FER: variants seen among roughly 807,000 people sequenced by gnomAD.
The protein encoded by FER is tyrosine-protein kinase Fer.
In FER, 63 loss-of-function variants were observed where a neutral mutation model predicts 111.0. The ratio of observed to expected loss-of-function variants is 0.57; its 90% CI spans 0.46 to 0.70. The LOEUF is 0.70. Ranked by LOEUF, FER falls within the 30% of genes least tolerant of loss-of-function variation. FER has a pLI of 0.00. For synonymous variants in FER, 327 were observed against 313.9 expected (o/e 1.04, Z -0.44); for missense variants, 914 against 954.0 (o/e 0.96, Z 0.55).
At chr5:109,058,231 C>T (rs752314557) in intron 16 of FER, among the ~76,000 whole-genome samples, 2 of 152,038 alleles carry the variant, frequency 1.3e-5, no homozygotes, top group Admixed American at 6.6e-5. Flanking sequence ...CTAAGAGAAA[C>T]CCATAGCTAA....
At chr5:108,833,427 T>G (rs1760253112) in intron 4 of FER, among the ~76,000 whole-genome samples, 1 of 151,850 alleles carries the variant, frequency 6.6e-6, no homozygotes, top group Admixed American at 6.6e-5. Flanking sequence ...GAGAGGATAG[T>G]AAAATCAACT....
intron 18 of FER, among the ~76,000 whole-genome samples, chr5:109,185,575 A>G (rs545683849): frequency 1.5e-4 from 23 of 152,318 alleles, no homozygotes; most frequent in East Asian, 9.6e-4. Flanking sequence ...TAAGCCATCT[A>G]TCTCATTCAG....
intron 11 of FER, among the ~76,000 whole-genome samples, chr5:108,948,363 AT>A (rs1020762837): frequency 6.6e-6 from 1 of 152,064 alleles, no homozygotes; most frequent in Admixed American, 6.6e-5. Flanking sequence ...GATGTTTAAT[AT>A]TTTTTGTTAT....
intron 16 of FER, among the ~76,000 whole-genome samples, chr5:109,090,279 A>G (rs772639938): frequency 3.3e-5 from 5 of 152,218 alleles, no homozygotes; most frequent in South Asian, 2.1e-4. Flanking sequence ...AATTACATGC[A>G]CAATCTCAAG....
chr5:109,147,237 T>C (rs1318634955), intron 17 of FER, among the ~76,000 whole-genome samples: 2 of 152,044 alleles, frequency 1.3e-5, no homozygotes, highest in Non-Finnish European at 2.9e-5. Flanking sequence ...ATAAATAAGA[T>C]ACTTGTGTAC....
intron 9 of FER, among the ~76,000 whole-genome samples, chr5:108,883,721 T>C (rs11956015): frequency 0.012 from 1,871 of 152,124 alleles, 33 homozygotes; most frequent in African/African-American, 0.042. Flanking sequence ...GGAAAAATGA[T>C]TATGTATTTT....
intron 16 of FER, among the ~76,000 whole-genome samples, chr5:109,079,410 C>T (rs537685118): frequency 1.1e-4 from 16 of 152,194 alleles, no homozygotes; most frequent in African/African-American, 3.6e-4. Flanking sequence ...TGTTTGACAT[C>T]GGTAACTCCA....
At chr5:108,773,772 CT>C (rs1946897332) in intron 2 of FER, among the ~76,000 whole-genome samples, 2 of 152,252 alleles carry the variant, frequency 1.3e-5, no homozygotes, top group East Asian at 3.9e-4. Flanking sequence ...AATCGCCACA[CT>C]GTCTTCCACA....
rs562537445 is a variant in FER at position 108,823,850 on chromosome 5, C to G, written c.208-8920C>G. On this transcript the variant is annotated intron_variant, in intron 3 of 19. Transcript: ENST00000281092. ...GGTGTCATCTTCAAAAAATCATTGC[C>G]AACAGCAGTGTCAGGGAACTTTTCC... is the stretch of plus-strand genomic sequence containing the variant. Among the ~76,000 whole-genome samples, 33 of 152,164 alleles carry G rather than the reference C, an allele frequency of 2.2e-4. 1 individual carries two copies. The highest frequency in any genetic ancestry group is 7.9e-4 in the African/African-American group (33 of 41,526).
chr5:109,078,846 A>T (rs1345172713), intron 16 of FER, among the ~76,000 whole-genome samples: 1 of 152,158 alleles, frequency 6.6e-6, no homozygotes, highest in Non-Finnish European at 1.5e-5. Context: ...CTTATGACTT[A>T]ATAAGTCCAT....
chr5:108,906,130 C>A (rs1056951290), intron 10 of FER, among the ~76,000 whole-genome samples: 3 of 152,050 alleles, frequency 2.0e-5, no homozygotes, highest in African/African-American at 4.8e-5. Context: ...ACTGTGTTAC[C>A]CACTCTTGGG....
chr5:108,924,919 G>A, intron 10 of FER: 1 of 699,880 alleles, frequency 1.4e-6, no homozygotes, highest in Non-Finnish European at 2.0e-6. Flanking sequence ...TCTGAATCTG[G>A]TGGTAAACAA....
intron 17 of FER, among the ~76,000 whole-genome samples, chr5:109,148,685 G>C (rs1370626055): frequency 1.3e-5 from 2 of 152,066 alleles, no homozygotes; most frequent in African/African-American, 2.4e-5. Flanking sequence ...TTCCTCAAAG[G>C]GTTACCCCTC....
chr5:108,821,083 G>T (rs543578100), intron 3 of FER, among the ~76,000 whole-genome samples: 176 of 152,346 alleles, frequency 1.2e-3, no homozygotes, highest in African/African-American at 4.2e-3. Context: ...CTGTACTCCA[G>T]CCTGGGTGAT....
intron 13 of FER, among the ~76,000 whole-genome samples, chr5:109,028,660 G>T (rs770465336): frequency 7.2e-5 from 11 of 152,120 alleles, no homozygotes; most frequent in Admixed American, 2.6e-4. Context: ...CCACTAGAAA[G>T]GCTCACATAA....
intron 14 of FER, among the ~76,000 whole-genome samples, chr5:109,042,002 T>A (rs1431878938): frequency 6.6e-6 from 1 of 152,166 alleles, no homozygotes; most frequent in East Asian, 1.9e-4. Context: ...AGGATTTTGT[T>A]AGAACAGGAA....
intron 2 of FER, among the ~76,000 whole-genome samples, chr5:108,770,325 A>G (rs1229538392): frequency 1.3e-5 from 2 of 152,220 alleles, no homozygotes; most frequent in East Asian, 1.9e-4. Context: ...TAATTGGTCT[A>G]TACTTTTATA....
At chr5:109,045,303 A>ATACAT (rs1771799321) in intron 15 of FER, among the ~76,000 whole-genome samples, 1 of 148,950 alleles carries the variant, frequency 6.7e-6, no homozygotes, top group Non-Finnish European at 1.5e-5. Flanking sequence ...TATACATTAT[A>ATACAT]TATATACATT....
rs560922042 is a variant in FER, at chr5:108,830,425, G to T, written c.208-2345G>T. The stretch of plus-strand genomic sequence containing the variant: ...GTGGAGATTGCGTGACTGCACTCCA[G>T]CCTAGGTGATGGAGCAAGACTCCAT... On this transcript the variant is annotated intron_variant, in intron 3 of 19. Coordinates refer to ENST00000281092, the MANE Select transcript of FER (RefSeq NM_005246.4). Among the ~76,000 whole-genome samples the T allele has an allele frequency of 2.7e-3, 407 of 152,308 alleles. 1 individual carries two copies. Among genetic ancestry groups the T allele is most frequent in the African/African-American group, 9.4e-3 (390 of 41,572 alleles).
Sources: allele counts gnomAD v4.1 joint callset (sites outside exome capture counted in the v4.1 genomes callset), GRCh38; gene constraint gnomAD v4.1.1; transcripts MANE v1.5; gene names NCBI Gene and HGNC (gene_info 2026-07-23, HGNC 2026-07-21).